The following CPXM2 variants were observed in gnomAD, a reference collection of about 807,000 sequenced individuals.
CPXM2 encodes inactive carboxypeptidase-like protein X2.
In CPXM2, 66 loss-of-function variants were observed where a neutral mutation model predicts 86.1. The ratio of observed to expected loss-of-function variants is 0.77; its 90% CI spans 0.63 to 0.94. The LOEUF is 0.94. CPXM2 is among the 40% of genes least tolerant of loss of function. The probability of loss-of-function intolerance (pLI) is 0.00; values close to 1 mark genes in which losing one functional copy is unlikely to be tolerated. For synonymous variants in CPXM2, 388 were observed against 400.2 expected, an observed-to-expected ratio of 0.97 and a Z score of 0.36; for missense variants, 948 against 1,026.3, an observed-to-expected ratio of 0.92 and a Z score of 1.04.
intron 2 of CPXM2, among the ~76,000 whole-genome samples, chr10:123,934,723 C>T (rs1945698976): frequency 6.6e-6 from 1 of 152,158 alleles, no homozygotes; most frequent in South Asian, 2.1e-4. Flanking sequence ...ATGGGAGGCC[C>T]TTCATCCACA....
chr10:123,796,017 C>A (rs1409065841), intron 6 of CPXM2, among the ~76,000 whole-genome samples: 1 of 152,182 alleles, frequency 6.6e-6, no homozygotes, highest in African/African-American at 2.4e-5. Context: ...GACTCCTGGG[C>A]TGGCATCAAG....
At chr10:123,841,564 C>T (rs1041806467) in intron 4 of CPXM2, among the ~76,000 whole-genome samples, 7 of 152,202 alleles carry the variant, frequency 4.6e-5, no homozygotes, top group African/African-American at 1.7e-4. Flanking sequence ...TGCCTCTGTA[C>T]ATCTGACTGC....
intron 13 of CPXM2, chr10:123,752,378 A>G (rs1846098210): frequency 1.7e-5 from 17 of 984,952 alleles, no homozygotes; most frequent in Non-Finnish European, 2.0e-5. Context: ...AGAAAATATT[A>G]TTGAGCAAAG....
At chr10:123,923,546 A>AGT (rs1945595659) in intron 2 of CPXM2, among the ~76,000 whole-genome samples, 5 of 151,160 alleles carry the variant, frequency 3.3e-5, no homozygotes, top group Non-Finnish European at 7.4e-5. Flanking sequence ...GCGCCACTGC[A>AGT]CTCCAGCCTG....
chr10:123,767,632 C>A (rs527882070), intron 9 of CPXM2, among the ~76,000 whole-genome samples: 25 of 152,262 alleles, frequency 1.6e-4, no homozygotes, highest in Non-Finnish European at 2.8e-4. Context: ...TTGATAGGTA[C>A]CCTTGTTTTA....
At chr10:123,941,119 C>T (rs990374002), upstream of CPXM2, among the ~76,000 whole-genome samples, 2 of 152,004 alleles carry the variant, frequency 1.3e-5, no homozygotes, top group African/African-American at 2.4e-5. Context: ...TGCAGTGAGC[C>T]GAGATCGCGC....
intron 4 of CPXM2, among the ~76,000 whole-genome samples, chr10:123,805,726 A>G (rs1725298171): frequency 6.6e-6 from 1 of 151,988 alleles, no homozygotes; most frequent in Admixed American, 6.6e-5. Flanking sequence ...AAAATTGATC[A>G]CTGCCAATAT....
At chr10:123,837,245 G>A (rs1394967311) in intron 4 of CPXM2, among the ~76,000 whole-genome samples, 1 of 152,222 alleles carries the variant, frequency 6.6e-6, no homozygotes, top group African/African-American at 2.4e-5. Context: ...CTCAGGCACA[G>A]AGCCTGGCTC....
intron 2 of CPXM2, among the ~76,000 whole-genome samples, chr10:123,918,711 CCA>C (rs1272961973): frequency 6.6e-6 from 1 of 152,156 alleles, no homozygotes; most frequent in Non-Finnish European, 1.5e-5. Context: ...AAGGCAATCC[CCA>C]GTCATGATGC....
intron 1 of CPXM2, chr10:123,940,073 C>T (rs1048727816): frequency 6.6e-6 from 1 of 152,364 alleles, no homozygotes; most frequent in African/African-American, 2.4e-5. Flanking sequence ...GTCATCGACA[C>T]ATCCTGGCTG....
chr10:123,862,747 A>T (rs28469012), intron 2 of CPXM2, 24 bp from the exon 3 acceptor site: 198,041 of 1,586,622 alleles, frequency 0.12, 13,464 homozygotes, highest in East Asian at 0.31. Flanking sequence ...ATGCTTGTTA[A>T]AAACAACGAC....
rs562126140 is a variant in CPXM2, at chr10:123,852,870, C to T, written c.513+9744G>A. ...CCCATGACTACCACTGCCAGCTGTC[C>T]GCTGGTTTTGTTTCCCTTCTCTCCA... is the stretch of plus-strand genomic sequence containing the variant. On this transcript the variant is annotated intron_variant, in intron 3 of 13. Coordinates refer to ENST00000241305, the MANE Select transcript of CPXM2 (RefSeq NM_198148.3). Among the ~76,000 whole-genome samples the T allele has an allele frequency of 3.9e-5, 6 of 152,252 alleles. No individual in the cohort carries two copies. The South Asian group carries it at 6.2e-4, about 16-fold the overall frequency.
At chr10:123,827,850 G>A (rs1233675408) in intron 4 of CPXM2, among the ~76,000 whole-genome samples, 1 of 152,144 alleles carries the variant, frequency 6.6e-6, no homozygotes, top group African/African-American at 2.4e-5. Context: ...TGATAGTAAG[G>A]GTTCTGTGGA....
At chr10:123,910,919 C>A (rs559955020) in intron 2 of CPXM2, among the ~76,000 whole-genome samples, 79 of 152,292 alleles carry the variant, frequency 5.2e-4, no homozygotes, top group African/African-American at 1.9e-3. Flanking sequence ...ACTGCAATCT[C>A]CACCTCTGCC....
At chr10:123,900,003 G>A (rs1945367949) in intron 2 of CPXM2, among the ~76,000 whole-genome samples, 1 of 152,138 alleles carries the variant, frequency 6.6e-6, no homozygotes, top group Non-Finnish European at 1.5e-5. Context: ...AAATGAACAG[G>A]CAGATAACAT....
At chr10:123,930,296 TTC>T (rs1347484001) in intron 2 of CPXM2, among the ~76,000 whole-genome samples, 3 of 152,236 alleles carry the variant, frequency 2.0e-5, no homozygotes, top group African/African-American at 7.2e-5. Flanking sequence ...CTTTGAGACT[TTC>T]TGTTTGCTCC....
chr10:123,832,258 T>A (rs1564789423), intron 4 of CPXM2, among the ~76,000 whole-genome samples: 1 of 152,110 alleles, frequency 6.6e-6, no homozygotes, highest in Non-Finnish European at 1.5e-5. Context: ...AAGTCAGCCC[T>A]GGGGGAGCCA....
upstream of CPXM2, among the ~76,000 whole-genome samples, chr10:123,895,112 CTTTTTTTTCTTTTTTTT>C (rs1202738368): frequency 1.2e-4 from 13 of 111,730 alleles, no homozygotes; most frequent in Middle Eastern, 4.9e-3. Flanking sequence ...TTTTTTTTTT[CTTTTTTTTCTTTTTTTT>C]TTTTTTTTTT....
In CPXM2 at chr10:123,770,953, A is replaced by C. The variant is rs1388755835; in HGVS notation, c.1065T>G (p.Ala355=). Reference sequence around the variant, plus strand: ...CCCCAGGGTGATCTGAGATCTCCACAGCATACAGCTTCAGGCCCTGGTGGC... The same window carrying C: ...CCCCAGGGTGATCTGAGATCTCCACCGCATACAGCTTCAGGCCCTGGTGGC... ...GKSHQGLKLY[A]VEISDHPGEH... is the part of the protein sequence containing the mutation. The change falls in exon 8 of 14, where the codon GCT becomes GCG. Residue 355 remains alanine (A), a synonymous_variant. Coordinates refer to ENST00000241305, the MANE Select transcript of CPXM2 (RefSeq NM_198148.3). The C allele has an allele frequency of 6.2e-7, 1 of 1,614,164 alleles. No homozygotes were observed. Among genetic ancestry groups the C allele is most frequent in the African/African-American group, 1.3e-5 (1 of 75,054 alleles).
Sources: allele counts gnomAD v4.1 joint callset (sites outside exome capture counted in the v4.1 genomes callset), GRCh38; gene constraint gnomAD v4.1.1; transcripts MANE v1.5; gene names NCBI Gene and HGNC (gene_info 2026-07-23, HGNC 2026-07-21).